FRRS1: variants seen among roughly 807,000 people sequenced by gnomAD.
FRRS1 encodes ferric chelate reductase 1.
FRRS1 carries 51 observed loss-of-function variants against 70.7 expected under a neutral mutation model. That is an observed-to-expected ratio of 0.72 (90% CI 0.58 to 0.91). FRRS1 has a LOEUF of 0.91. Ranked by LOEUF, FRRS1 falls within the 40% of genes least tolerant of loss-of-function variation. FRRS1 has a pLI of 0.00. For synonymous variants in FRRS1, 225 were observed against 238.7 expected, an observed-to-expected ratio of 0.94 and a Z score of 0.53; for missense variants, 672 against 726.0, an observed-to-expected ratio of 0.93 and a Z score of 0.86.
At chr1:99,716,344 C>A (rs115928456) in intron 11 of FRRS1, among the ~76,000 whole-genome samples, 106 of 152,256 alleles carry the variant, frequency 7.0e-4, no homozygotes, top group African/African-American at 2.4e-3. Flanking sequence ...CATGTATGTA[C>A]ACACATCATC....
At chr1:99,761,055 T>C (rs1033549211) in intron 1 of FRRS1, among the ~76,000 whole-genome samples, 1 of 152,092 alleles carries the variant, frequency 6.6e-6, no homozygotes, top group African/African-American at 2.4e-5. Flanking sequence ...TTTGAAACTC[T>C]ACAATCTAAT....
At chr1:99,727,546 G>A (rs1292041662) in intron 9 of FRRS1, among the ~76,000 whole-genome samples, 1 of 152,168 alleles carries the variant, frequency 6.6e-6, no homozygotes, top group Non-Finnish European at 1.5e-5. Flanking sequence ...ACTTTTGGGA[G>A]TCTGCTTTAC....
intron 1 of FRRS1, among the ~76,000 whole-genome samples, chr1:99,754,224 G>T (rs564881279): frequency 6.6e-6 from 1 of 152,204 alleles, no homozygotes; most frequent in South Asian, 2.1e-4. Context: ...CCAGCACTTT[G>T]TTAGGCCAAG....
At chr1:99,724,056 T>C (rs1302907561) in intron 9 of FRRS1, among the ~76,000 whole-genome samples, 1 of 152,090 alleles carries the variant, frequency 6.6e-6, no homozygotes, top group Non-Finnish European at 1.5e-5. Context: ...AAAAAGAGAC[T>C]CCAAGCCCAA....
chr1:99,747,398 G>T lies in FRRS1; in HGVS notation c.229C>A (p.Leu77Ile), dbSNP rs766811829. ...TCCTCAGCATTACGCGCTTCTAGGA[G>T]AAAGCCTTTAAATGGATGCCCTGAC... ...TLSGHPFKGF[L>I]LEARNAEDLN... The change falls in exon 4 of 17, where the codon CTC becomes ATC. Residue 77 changes from leucine to isoleucine, a missense_variant. By Grantham distance (5) the Leu-to-Ile change is conservative. Transcript: ENST00000646001. The T allele has an allele frequency of 1.2e-6, 2 of 1,613,362 alleles. No individual in the cohort carries two copies. The highest frequency in any genetic ancestry group is 2.7e-5 in the African/African-American group (2 of 74,880).
intron 7 of FRRS1, among the ~76,000 whole-genome samples, chr1:99,732,383 G>A (rs984311993): frequency 2.6e-5 from 4 of 152,090 alleles, no homozygotes; most frequent in African/African-American, 9.7e-5. Context: ...TGGACACTGT[G>A]GGAGAAACAA....
chr1:99,725,516 C>T (rs769834304), intron 9 of FRRS1, among the ~76,000 whole-genome samples: 3 of 152,140 alleles, frequency 2.0e-5, no homozygotes, highest in Non-Finnish European at 2.9e-5. Flanking sequence ...AAAAGAGACT[C>T]AGTGGGTCTG....
chr1:99,738,116 T>A lies in FRRS1; in HGVS notation c.729A>T (p.Leu243Phe). ...ACTGATCATGAGACAATGCAAAGGA[T>A]AAATAGCCTTTACTGGGGCCGCTCA... Reference protein sequence around the residue: ...VEMSGPSKGYLSFALSHDQWM... With the variant: ...VEMSGPSKGYFSFALSHDQWM... Residue 243 changes from leucine to phenylalanine, a missense_variant, in exon 7 of 17, where the codon TTA (leucine) becomes TTT (phenylalanine). Leu to Phe is a conservative substitution (Grantham distance 22, BLOSUM62 0). Transcript: ENST00000646001. 1 of 1,613,486 alleles carries A rather than the reference T, an allele frequency of 6.2e-7. No individual in the cohort carries two copies. Among genetic ancestry groups the A allele is most frequent in the African/African-American group, 1.3e-5 (1 of 74,970 alleles).
At chr1:99,730,638 C>A (rs1049438547) in intron 7 of FRRS1, among the ~76,000 whole-genome samples, 3 of 152,040 alleles carry the variant, frequency 2.0e-5, no homozygotes, top group African/African-American at 7.3e-5. Context: ...GAGGCCAAGG[C>A]GGGCAGATCA....
At chr1:99,730,740 G>A (rs553528634) in intron 7 of FRRS1, among the ~76,000 whole-genome samples, 24 of 152,068 alleles carry the variant, frequency 1.6e-4, no homozygotes, top group Admixed American at 1.2e-3. Flanking sequence ...GGTAGTGGGC[G>A]CCTGTAGTCC....
chr1:99,709,398 A>G (rs1654172499), intron 15 of FRRS1, 139 bp from the exon 16 acceptor site: 1 of 630,662 alleles, frequency 1.6e-6, no homozygotes, highest in African/African-American at 1.8e-5. Context: ...ATTATTGCAG[A>G]CTTCCTGAAC....
intron 1 of FRRS1, among the ~76,000 whole-genome samples, chr1:99,753,273 C>T (rs980633593): frequency 1.3e-5 from 2 of 150,246 alleles, no homozygotes; most frequent in African/African-American, 4.9e-5. Context: ...GTAATCCCAG[C>T]ACTTTGGGAG....
Position 99,736,052 on chromosome 1 carries a change from T to C in FRRS1, c.759+2034A>G, listed in dbSNP as rs140654501. Reference sequence around the variant, plus strand: ...CAGGTTAATCCTTTTTGGACTCATTTTCAGAATTTCCTTTCTAGCCAGTTT... The same window carrying C: ...CAGGTTAATCCTTTTTGGACTCATTCTCAGAATTTCCTTTCTAGCCAGTTT... On this transcript the variant is annotated intron_variant, in intron 7 of 16. Transcript: ENST00000646001. Among the ~76,000 whole-genome samples the C allele has an allele frequency of 5.2e-3, 796 of 152,332 alleles. 7 individuals are homozygous for C. In the Middle Eastern group the frequency reaches 0.092, roughly 18 times the overall value.
rs1372029699 is a variant in FRRS1 at position 99,738,415 on chromosome 1, A to C, written c.577-147T>G. 3 of 571,082 alleles carry C rather than the reference A, an allele frequency of 5.3e-6. No homozygotes were observed. In the African/African-American group the frequency reaches 5.7e-5, roughly 11 times the overall value. The allele number at this position is 571,082 out of a possible 1,614,324, so 35.4% of individuals were successfully genotyped here. A position where few individuals can be genotyped will look rare whatever the true frequency, so the allele number is the denominator to read the frequency against. On this transcript the variant is annotated intron_variant, in intron 6 of 16. Coordinates refer to ENST00000646001, the MANE Select transcript of FRRS1 (RefSeq NM_001361041.2). ...TAATAAGCATTCAAATAAGGAAACAAAAGACACATCCCAAATTAAAAATGA... is the reference window on the plus strand; with the variant it reads ...TAATAAGCATTCAAATAAGGAAACACAAGACACATCCCAAATTAAAAATGA...
rs558476820 is a variant in FRRS1, at chr1:99,741,150, C to T, written c.429-210G>A. Among the ~76,000 whole-genome samples, 7 of 152,364 alleles carry T rather than the reference C, an allele frequency of 4.6e-5. 1 individual carries two copies. In the South Asian group the frequency reaches 1.0e-3, roughly 23 times the overall value. On this transcript the variant is annotated intron_variant, in intron 5 of 16. Coordinates refer to ENST00000646001, the MANE Select transcript of FRRS1 (RefSeq NM_001361041.2). ...TTTATTGCTTTCTCTCCCTCTGTCC[C>T]TCTTTCCTTATTTGTCTGTTTTGGG...
chr1:99,739,880 G>GC (rs1553172991), intron 6 of FRRS1, among the ~76,000 whole-genome samples: 5 of 150,168 alleles, frequency 3.3e-5, no homozygotes, highest in Admixed American at 3.3e-4. Context: ...TTCTCAACAC[G>GC]TTTTTTTTTT....
Position 99,709,214 on chromosome 1 carries a change from G to GA in FRRS1, c.1669_1670insT (p.Thr557IlefsTer11). On this transcript the variant is annotated frameshift_variant, in exon 16 of 17. Transcript: ENST00000646001. LOFTEE classifies it high-confidence loss of function. ...AGGACTTACCTCTGTTTCCACTGCA[G>GA]TAAATGACTGAAGGATCTGAATTCT... 6.2e-7 allele frequency: 1 copy of GA among 1,610,552 alleles called. No individual in the cohort carries two copies. Among genetic ancestry groups the GA allele is most frequent in the Non-Finnish European group, 8.5e-7 (1 of 1,176,866 alleles).
At chr1:99,740,526 C>T (rs1335307094) in intron 6 of FRRS1, among the ~76,000 whole-genome samples, 2 of 152,208 alleles carry the variant, frequency 1.3e-5, no homozygotes, top group Non-Finnish European at 2.9e-5. Context: ...AAGTACAGCA[C>T]TTTACTCCTA....
At chr1:99,743,015 T>A (rs1374966088) in intron 4 of FRRS1, among the ~76,000 whole-genome samples, 1 of 152,062 alleles carries the variant, frequency 6.6e-6, no homozygotes, top group African/African-American at 2.4e-5. Flanking sequence ...GAAAAAAAAA[T>A]TAGACTCCTG....
Sources: allele counts gnomAD v4.1 joint callset (sites outside exome capture counted in the v4.1 genomes callset), GRCh38; gene constraint gnomAD v4.1.1; transcripts MANE v1.5; gene names NCBI Gene and HGNC (gene_info 2026-07-23, HGNC 2026-07-21).